The following ARHGAP25 variants were observed in gnomAD, a reference collection of about 807,000 sequenced individuals.
ARHGAP25 encodes Rho GTPase activating protein 25.
ARHGAP25 carries 34 observed loss-of-function variants against 71.0 expected under a neutral mutation model. That is an observed-to-expected ratio of 0.48 (90% CI 0.36 to 0.64). The LOEUF (loss-of-function observed/expected upper bound fraction) is 0.64, where lower values mean the gene tolerates loss of function less well. ARHGAP25 is among the 30% of genes least tolerant of loss of function. ARHGAP25 has a pLI of 0.00. For synonymous variants in ARHGAP25, 282 were observed against 296.5 expected, an observed-to-expected ratio of 0.95 and a Z score of 0.50; for missense variants, 706 against 805.1, an observed-to-expected ratio of 0.88 and a Z score of 1.49.
At chr2:68,774,934 T>G (rs2104372978) in intron 1 of ARHGAP25, 1 of 1,407,166 alleles carries the variant, frequency 7.1e-7, no homozygotes, top group South Asian at 1.5e-5. Context: ...AACCTTTCGG[T>G]TTGCAGAATG....
intron 1 of ARHGAP25, among the ~76,000 whole-genome samples, chr2:68,760,487 A>G (rs1021687848): frequency 2.0e-5 from 3 of 152,078 alleles, no homozygotes; most frequent in African/African-American, 7.2e-5. Context: ...CCAGCAAAGT[A>G]GCAGGATACA....
intron 1 of ARHGAP25, among the ~76,000 whole-genome samples, chr2:68,761,114 G>C (rs889301716): frequency 2.0e-5 from 3 of 151,890 alleles, no homozygotes; most frequent in Non-Finnish European, 4.4e-5. Flanking sequence ...TTTTCAACAA[G>C]GGTGCCACGA....
At chr2:68,725,262 C>G (rs1028339832) in intron 2 of ARHGAP25, among the ~76,000 whole-genome samples, 2 of 152,158 alleles carry the variant, frequency 1.3e-5, no homozygotes, top group African/African-American at 4.8e-5. Context: ...TTTACCCTTG[C>G]CCTACCACCT....
chr2:68,764,281 G>T (rs895221247), intron 1 of ARHGAP25, among the ~76,000 whole-genome samples: 1 of 152,106 alleles, frequency 6.6e-6, no homozygotes, highest in African/African-American at 2.4e-5. Context: ...GTGGCTTCTG[G>T]ATTGTTTTCA....
intron 2 of ARHGAP25, among the ~76,000 whole-genome samples, chr2:68,712,995 C>CT (rs1383344365): frequency 6.6e-6 from 1 of 152,142 alleles, no homozygotes; most frequent in Non-Finnish European, 1.5e-5. Context: ...TATACAGGCT[C>CT]TTTTTTCATT....
At chr2:68,726,241 G>A (rs539811944) in intron 2 of ARHGAP25, among the ~76,000 whole-genome samples, 2 of 152,294 alleles carry the variant, frequency 1.3e-5, no homozygotes, top group South Asian at 4.1e-4. Flanking sequence ...CTTTATATTT[G>A]TTGAATGAAT....
At chr2:68,814,276 A>G (rs1286343647) in intron 6 of ARHGAP25, among the ~76,000 whole-genome samples, 1 of 152,222 alleles carries the variant, frequency 6.6e-6, no homozygotes, top group Non-Finnish European at 1.5e-5. Context: ...ATTTACTTAG[A>G]CCAATAGAAC....
intron 4 of ARHGAP25, among the ~76,000 whole-genome samples, chr2:68,794,012 A>G (rs1369523820): frequency 6.6e-6 from 1 of 151,872 alleles, no homozygotes; most frequent in Non-Finnish European, 1.5e-5. Flanking sequence ...ATTCCTAGGT[A>G]TTTTATTTTC....
chr2:68,819,269 G>A lies in ARHGAP25; in HGVS notation c.1150G>A (p.Asp384Asn). 6.2e-7 allele frequency: 1 copy of A among 1,614,182 alleles called. No individual in the cohort carries two copies. Among genetic ancestry groups the A allele is most frequent in the Non-Finnish European group, 8.5e-7 (1 of 1,180,032 alleles). ...AGTGGCCCGAAGCTCTGTAGGCTGG[G>A]ATGCCACTGAAGACCTCCGAATTTC... ...APVARSSVGWDATEDLRISRT... is the reference protein window; with the variant it reads ...APVARSSVGWNATEDLRISRT... The change falls in exon 9 of 11, where the codon GAT (aspartate) becomes AAT (asparagine). Residue 384 changes from aspartate (D) to asparagine (N), a missense_variant. Transcript: ENST00000409202.
Position 68,782,336 on chromosome 2 carries a change from T to C in ARHGAP25, c.349+16T>C. 6.2e-7 allele frequency: 1 copy of C among 1,612,370 alleles called. No individual in the cohort carries two copies. The highest frequency in any genetic ancestry group is 1.7e-5 in the Admixed American group (1 of 60,006). On this transcript the variant is annotated intron_variant, in intron 3 of 10. Coordinates refer to ENST00000409202, the MANE Select transcript of ARHGAP25 (RefSeq NM_001007231.3). ...ATCATTCCAGGTAGGCCACCACAGG[T>C]AGGACAGAGGTGCAGTGCAGAAGTA...
At chr2:68,764,552 C>G (rs1161246474) in intron 1 of ARHGAP25, among the ~76,000 whole-genome samples, 1 of 152,182 alleles carries the variant, frequency 6.6e-6, no homozygotes, top group East Asian at 1.9e-4. Context: ...CCTCTGTTCT[C>G]ACTGGTATCG....
chr2:68,824,883 G>A (rs1682000733), intron 10 of ARHGAP25, among the ~76,000 whole-genome samples: 1 of 152,164 alleles, frequency 6.6e-6, no homozygotes, highest in Non-Finnish European at 1.5e-5. Context: ...CCCAAGTTTT[G>A]GGCTCACATG....
At chr2:68,794,514 C>T (rs1679403596) in intron 4 of ARHGAP25, among the ~76,000 whole-genome samples, 2 of 152,114 alleles carry the variant, frequency 1.3e-5, no homozygotes, top group African/African-American at 2.4e-5. Context: ...TTTTCTGTGT[C>T]TGTTGAGATG....
chr2:68,771,352 G>A (rs377757249), intron 1 of ARHGAP25, among the ~76,000 whole-genome samples: 2 of 152,180 alleles, frequency 1.3e-5, no homozygotes, highest in African/African-American at 2.4e-5. Context: ...GGCTGGGAAT[G>A]TGCACTCAGG....
At chr2:68,810,425 A>C (rs1680700580) in intron 5 of ARHGAP25, among the ~76,000 whole-genome samples, 1 of 152,258 alleles carries the variant, frequency 6.6e-6, no homozygotes, top group Non-Finnish European at 1.5e-5. Flanking sequence ...GAGACCCAAT[A>C]AACAAGAATG....
intron 5 of ARHGAP25, among the ~76,000 whole-genome samples, chr2:68,808,278 A>G (rs1680525302): frequency 6.6e-6 from 1 of 152,232 alleles, no homozygotes; most frequent in South Asian, 2.1e-4. Flanking sequence ...ACCAAGGTTT[A>G]ATAAGATGGG....
At chr2:68,749,364 C>G (rs553451215) in intron 1 of ARHGAP25, among the ~76,000 whole-genome samples, 2 of 152,300 alleles carry the variant, frequency 1.3e-5, no homozygotes, top group South Asian at 4.1e-4. Context: ...TGAGCCATCC[C>G]TTGGCCTCAT....
At chr2:68,738,179 G>A (rs1033900561) in intron 1 of ARHGAP25, among the ~76,000 whole-genome samples, 3 of 152,182 alleles carry the variant, frequency 2.0e-5, no homozygotes, top group Admixed American at 2.0e-4. Flanking sequence ...AATCATGACA[G>A]CCTTTCACTG....
chr2:68,795,895 T>G (rs1679504409), intron 4 of ARHGAP25, among the ~76,000 whole-genome samples: 1 of 152,182 alleles, frequency 6.6e-6, no homozygotes, highest in Non-Finnish European at 1.5e-5. Context: ...GTCAATCTCT[T>G]TTTTAGTTTT....
Sources: gnomAD v4.1 joint callset for allele counts (sites outside exome capture counted in the v4.1 genomes callset) on GRCh38, gnomAD v4.1.1 for gene constraint, MANE v1.5 for transcripts, NCBI Gene and HGNC (gene_info 2026-07-23, HGNC 2026-07-21) for gene names.